The following MCTP1 variants were observed in gnomAD, a reference collection of about 807,000 sequenced individuals.
MCTP1 encodes the protein multiple C2 and transmembrane domain-containing protein 1.
In MCTP1, 69 loss-of-function variants were observed where a neutral mutation model predicts 120.6. The ratio of observed to expected loss-of-function variants is 0.57; its 90% CI spans 0.47 to 0.70. MCTP1 has a LOEUF of 0.70. Among genes scored for constraint, MCTP1 ranks in the 30% least tolerant of loss-of-function variants. The probability of loss-of-function intolerance (pLI) is 0.00; values close to 1 mark genes in which losing one functional copy is unlikely to be tolerated. For synonymous variants in MCTP1, 529 were observed against 493.1 expected, an observed-to-expected ratio of 1.07 and a Z score of -0.96; for missense variants, 1,203 against 1,248.8, an observed-to-expected ratio of 0.96 and a Z score of 0.55.
chr5:94,763,987 G>A lies in MCTP1; in HGVS notation c.2610+15123C>T, dbSNP rs1029687127. On this transcript the variant is annotated intron_variant, in intron 19 of 22. Coordinates refer to ENST00000515393, the MANE Select transcript of MCTP1 (RefSeq NM_024717.7). ...TCACAAAGACCCCCAAAATCATAGA[G>A]GCTTATAATCGAGATTTATTTTTTT... Among the ~76,000 whole-genome samples the A allele has an allele frequency of 2.6e-5, 4 of 152,058 alleles. No homozygotes were observed. In the South Asian group the frequency reaches 8.3e-4, roughly 32 times the overall value.
At chr5:95,240,181 A>G (rs970726829) in intron 1 of MCTP1, among the ~76,000 whole-genome samples, 2 of 152,158 alleles carry the variant, frequency 1.3e-5, no homozygotes, top group African/African-American at 4.8e-5. Flanking sequence ...TGTTTGTACA[A>G]TTTGCCTATT....
Position 94,705,013 on chromosome 5 carries a change from TGA to T in MCTP1, c.*2481_*2482del, listed in dbSNP as rs1489643753. On this transcript the variant is annotated 3_prime_UTR_variant, in exon 23 of 23. Transcript: ENST00000515393. ...CACAACGAATGTCAGTAATAGTTTA[TGA>T]ATATAAATAATGACTCAGTGAATTT... 1.3e-5 allele frequency: 2 copies of T among 151,372 alleles called. No homozygotes were observed. The highest frequency in any genetic ancestry group is 3.0e-5 in the Non-Finnish European group (2 of 67,604). The allele number at this position is 151,372 out of a possible 1,614,324, so 9.4% of individuals were successfully genotyped here.
chr5:94,731,275 A>G (rs968704258), intron 19 of MCTP1, among the ~76,000 whole-genome samples: 1 of 152,114 alleles, frequency 6.6e-6, no homozygotes, highest in African/African-American at 2.4e-5. Flanking sequence ...TTCTTCTTCC[A>G]TTGTGGCCCA....
chr5:95,272,000 T>C (rs1759444381), intron 1 of MCTP1, among the ~76,000 whole-genome samples: 1 of 152,190 alleles, frequency 6.6e-6, no homozygotes, highest in Non-Finnish European at 1.5e-5. Context: ...TTTCATCATT[T>C]AAATGTAATA....
chr5:95,037,603 C>T (rs1400529593), intron 1 of MCTP1, among the ~76,000 whole-genome samples: 1 of 152,108 alleles, frequency 6.6e-6, no homozygotes, highest in South Asian at 2.1e-4. Context: ...CAGTGGCTAA[C>T]GTCTGTAATC....
chr5:95,030,382 G>C (rs767898255), intron 1 of MCTP1, among the ~76,000 whole-genome samples: 1 of 152,126 alleles, frequency 6.6e-6, no homozygotes, highest in Non-Finnish European at 1.5e-5. Flanking sequence ...TGAAGCCTGA[G>C]CTGCACCACC....
chr5:94,743,978 G>C (rs1001373314), intron 19 of MCTP1, among the ~76,000 whole-genome samples: 1 of 151,582 alleles, frequency 6.6e-6, no homozygotes, highest in African/African-American at 2.4e-5. Flanking sequence ...GATTTTTCTT[G>C]TTCTTTTTCT....
intron 5 of MCTP1, among the ~76,000 whole-genome samples, chr5:94,936,789 A>T (rs957934007): frequency 1.3e-5 from 2 of 152,030 alleles, no homozygotes; most frequent in Admixed American, 1.3e-4. Flanking sequence ...GCATTTTCAT[A>T]ATGTAGAGCA....
intron 6 of MCTP1, chr5:94,929,781 T>G (rs1814084333): frequency 1.9e-6 from 1 of 515,526 alleles, no homozygotes; most frequent in Non-Finnish European, 2.5e-6. Context: ...CTTGTAACAC[T>G]AATATAGATG....
chr5:95,220,915 T>C (rs1029515310), intron 1 of MCTP1, among the ~76,000 whole-genome samples: 1 of 152,218 alleles, frequency 6.6e-6, no homozygotes, highest in African/African-American at 2.4e-5. Context: ...AATAGCAAGC[T>C]GATGGAATCA....
At chr5:95,170,728 G>A (rs1747149478) in intron 1 of MCTP1, among the ~76,000 whole-genome samples, 1 of 152,122 alleles carries the variant, frequency 6.6e-6, no homozygotes, top group African/African-American at 2.4e-5. Context: ...GACTGGGATT[G>A]CAACCCCTGC....
chr5:95,243,346 T>C (rs1230187747), intron 1 of MCTP1, among the ~76,000 whole-genome samples: 1 of 152,126 alleles, frequency 6.6e-6, no homozygotes, highest in Non-Finnish European at 1.5e-5. Context: ...GAAGAAGTGA[T>C]ATTTGGGCTG....
At chr5:95,270,747 T>C (rs1288061308) in intron 1 of MCTP1, among the ~76,000 whole-genome samples, 1 of 152,114 alleles carries the variant, frequency 6.6e-6, no homozygotes, top group East Asian at 1.9e-4. Flanking sequence ...CTGGCCAACA[T>C]GGTGAAACCC....
At position 95,278,331 on chromosome 5, in the gene MCTP1, C is replaced by T. The variant is rs972588287; in HGVS notation, c.720+5525G>A. The stretch of plus-strand genomic sequence containing the variant: ...TCAAAATTTACAAAAACTGTAAAGG[C>T]TATTTGTTAAGTGAACAAATGACTT... On this transcript the variant is annotated intron_variant, in intron 1 of 22. Coordinates refer to ENST00000515393, the MANE Select transcript of MCTP1 (RefSeq NM_024717.7). 5.9e-5 allele frequency among the ~76,000 whole-genome samples: 9 copies of T among 152,142 alleles called. No individual in the cohort carries two copies. The East Asian group carries it at 1.7e-3, about 29-fold the overall frequency.
intron 17 of MCTP1, among the ~76,000 whole-genome samples, chr5:94,856,721 C>T (rs566995611): frequency 3.3e-5 from 5 of 151,728 alleles, no homozygotes; most frequent in African/African-American, 1.2e-4. Flanking sequence ...AGGGAAACAC[C>T]TTGGGAAATA....
At chr5:95,176,504 G>A (rs552758661) in intron 1 of MCTP1, among the ~76,000 whole-genome samples, 30 of 152,252 alleles carry the variant, frequency 2.0e-4, no homozygotes, top group Non-Finnish European at 3.4e-4. Context: ...CAGCCTGGGC[G>A]ACAAAGTGAG....
chr5:94,859,367 A>C (rs1795308333), intron 17 of MCTP1, among the ~76,000 whole-genome samples: 1 of 151,676 alleles, frequency 6.6e-6, no homozygotes, highest in Non-Finnish European at 1.5e-5. Flanking sequence ...TAGGAGGAAT[A>C]TGTTTTGTGT....
At chr5:94,917,600 C>A (rs1032784633) in intron 8 of MCTP1, among the ~76,000 whole-genome samples, 8 of 152,046 alleles carry the variant, frequency 5.3e-5, no homozygotes, top group African/African-American at 1.4e-4. Flanking sequence ...AGTATTCATC[C>A]AAGTTCATAA....
rs550199035 is a variant in MCTP1 at position 95,057,749 on chromosome 5, T to C, written c.721-40265A>G. 6.6e-5 allele frequency among the ~76,000 whole-genome samples: 10 copies of C among 152,282 alleles called. No homozygotes were observed. The South Asian group carries it at 2.1e-3, about 32-fold the overall frequency. On this transcript the variant is annotated intron_variant, in intron 1 of 22. Transcript: ENST00000515393. ...CCCAGATTTTTCCGAGAGCAGTCAATGCAGTGACAAATGCAGCTCTCTGAG... is the reference window on the plus strand; with the variant it reads ...CCCAGATTTTTCCGAGAGCAGTCAACGCAGTGACAAATGCAGCTCTCTGAG...
Sources: gnomAD v4.1 joint callset for allele counts (sites outside exome capture counted in the v4.1 genomes callset) on GRCh38, gnomAD v4.1.1 for gene constraint, MANE v1.5 for transcripts, NCBI Gene and HGNC (gene_info 2026-07-23, HGNC 2026-07-21) for gene names.